The following MSN variants were observed in gnomAD, a reference collection of about 807,000 sequenced individuals.
The protein encoded by MSN is moesin.
MSN carries 2 observed loss-of-function variants against 48.0 expected under a neutral mutation model. The observed-to-expected ratio is 0.04, with a 90% CI of 0.02 to 0.13. The LOEUF (loss-of-function observed/expected upper bound fraction) is 0.13, where lower values mean the gene tolerates loss of function less well. MSN is among the 10% of genes least tolerant of loss of function. MSN has a pLI of 1.00. For synonymous variants in MSN, 146 were observed against 166.9 expected (o/e 0.87, Z 0.97); for missense variants, 267 against 470.1 (o/e 0.57, Z 3.99).
intron 1 of MSN, among the ~76,000 whole-genome samples, chrX:65,675,462 T>C (rs1324571980): frequency 1.8e-5 from 2 of 110,448 alleles, no homozygotes; most frequent in African/African-American, 6.6e-5. Context: ...TCTTGAAAGT[T>C]ACTTTATCTG....
At position 65,625,672 on chromosome X, in the gene MSN, G is replaced by A. The variant is rs868137279; in HGVS notation, c.-22+37060G>A. On this transcript the variant is annotated intron_variant, in intron 1 of 3. Transcript: ENST00000609672. ...GTGTCTTTGAATATAAAGTGAGACT[G>A]TTGTAGACAGACAACATATAGTTGG... 3 of 111,650 alleles carry A rather than the reference G, an allele frequency of 2.7e-5. No individual in the cohort carries two copies. In the Middle Eastern group the frequency reaches 0.014, roughly 517 times the overall value. The allele number at this position is 111,650 out of a possible 1,213,427, so 9.2% of individuals were successfully genotyped here. A position where few individuals can be genotyped will look rare whatever the true frequency, so the allele number is the denominator to read the frequency against.
chrX:65,713,814 C>T (rs2071436241), intron 1 of MSN, among the ~76,000 whole-genome samples: 1 of 111,604 alleles, frequency 9.0e-6, no homozygotes, highest in Non-Finnish European at 1.9e-5. Flanking sequence ...TGTGTGTTCT[C>T]ATCATTTAAT....
intron 3 of MSN, 62 bp from the exon 4 acceptor site, chrX:65,729,376 A>G (rs1330909422): frequency 8.8e-7 from 1 of 1,139,202 alleles, no homozygotes; most frequent in African/African-American, 1.8e-5. Flanking sequence ...TCCCCACCCT[A>G]CAGCCACTCC....
At chrX:65,625,432 C>G (rs2070495925) in intron 1 of MSN, 1 of 111,983 alleles carries the variant, frequency 8.9e-6, no homozygotes, top group African/African-American at 3.2e-5. Flanking sequence ...TTTCTGTCAG[C>G]TTATTTCATA....
At chrX:65,684,570 C>T (rs1300987951) in intron 1 of MSN, among the ~76,000 whole-genome samples, 2 of 110,465 alleles carry the variant, frequency 1.8e-5, no homozygotes, top group Non-Finnish European at 3.8e-5. Flanking sequence ...TCCCGAGTAA[C>T]TGGGATTACA....
At chrX:65,602,869 T>G in intron 1 of MSN, among the ~76,000 whole-genome samples, 1 of 112,071 alleles carries the variant, frequency 8.9e-6, no homozygotes, top group Non-Finnish European at 1.9e-5. Context: ...AGCTCCTTTA[T>G]GCCATCTGAA....
intron 1 of MSN, among the ~76,000 whole-genome samples, chrX:65,652,841 A>C (rs1050809068): frequency 8.1e-5 from 9 of 111,457 alleles, no homozygotes; most frequent in African/African-American, 2.9e-4. Context: ...ATGATGTTAA[A>C]GGTGTAATAT....
At chrX:65,698,762 A>G (rs377629535) in intron 1 of MSN, among the ~76,000 whole-genome samples, 39 of 112,369 alleles carry the variant, frequency 3.5e-4, no homozygotes, top group East Asian at 1.4e-3. Flanking sequence ...GGCTTTCTTC[A>G]GAGTAGAGAT....
intron 1 of MSN, among the ~76,000 whole-genome samples, chrX:65,596,274 A>G (rs2070185898): frequency 9.0e-6 from 1 of 111,404 alleles, no homozygotes; most frequent in South Asian, 3.8e-4. Context: ...TTGGAATTAA[A>G]TAACAGAGGT....
At chrX:65,609,869 C>G (rs1252185012) in intron 1 of MSN, among the ~76,000 whole-genome samples, 1 of 109,390 alleles carries the variant, frequency 9.1e-6, no homozygotes, top group Non-Finnish European at 1.9e-5. Flanking sequence ...GGTGACAGAG[C>G]AAGACTCCAC....
At chrX:65,617,693 T>A (rs2070389559) in intron 1 of MSN, among the ~76,000 whole-genome samples, 1 of 95,848 alleles carries the variant, frequency 1.0e-5, no homozygotes, top group South Asian at 5.1e-4. Context: ...GGGTTTTTTG[T>A]GTCTCTATTT....
At chrX:65,704,828 G>A (rs1383419519) in intron 1 of MSN, among the ~76,000 whole-genome samples, 8 of 104,788 alleles carry the variant, frequency 7.6e-5, no homozygotes, top group Non-Finnish European at 1.4e-4. Context: ...GGAGTGCAGT[G>A]GCGCAATCTT....
rs186301870 is a variant in MSN at position 65,614,125 on chromosome X, G to A, written c.-22+25513G>A. Among the ~76,000 whole-genome samples the A allele has an allele frequency of 2.6e-3, 286 of 111,714 alleles. 3 individuals are homozygous for A. Among genetic ancestry groups the A allele is most frequent in the African/African-American group, 9.0e-3 (276 of 30,781 alleles). On this transcript the variant is annotated intron_variant, in intron 1 of 3. Transcript: ENST00000609672. ...TTTCCCAACACCATTTATTAAATAG[G>A]GAATCCTTTCCCCATTGCTTGTTTT...
chrX:65,721,414 T>G (rs1368032538), intron 2 of MSN, among the ~76,000 whole-genome samples: 1 of 112,424 alleles, frequency 8.9e-6, no homozygotes, highest in Non-Finnish European at 1.9e-5. Flanking sequence ...TACCAAGCAT[T>G]CTAATATTGG....
intron 1 of MSN, among the ~76,000 whole-genome samples, chrX:65,684,572 G>A (rs1006688311): frequency 1.8e-5 from 2 of 110,187 alleles, no homozygotes; most frequent in Admixed American, 1.9e-4. Context: ...CCGAGTAACT[G>A]GGATTACAGG....
chrX:65,677,513 T>A (rs1032670421), intron 1 of MSN, among the ~76,000 whole-genome samples: 1 of 112,062 alleles, frequency 8.9e-6, no homozygotes, highest in Admixed American at 9.5e-5. Context: ...ATCCCAGCAC[T>A]TTGAGAGGCT....
intron 1 of MSN, among the ~76,000 whole-genome samples, chrX:65,615,244 G>C (rs1451554097): frequency 9.2e-6 from 1 of 108,447 alleles, no homozygotes; most frequent in East Asian, 2.9e-4. Flanking sequence ...TGGGTCAAAT[G>C]GTATTTCCAG....
At position 65,660,466 on chromosome X, in the gene MSN, A is replaced by T. The variant is rs748108142; in HGVS notation, c.-21-56352A>T. On this transcript the variant is annotated intron_variant, in intron 1 of 3. Coordinates refer to the MSN transcript ENST00000609672. ...TTTGACTTCTTCCTTTCCTATTTGGATACCTTTTATTTCTTTATCTTGCCT... is the reference window on the plus strand; with the variant it reads ...TTTGACTTCTTCCTTTCCTATTTGGTTACCTTTTATTTCTTTATCTTGCCT... 2.4e-3 allele frequency among the ~76,000 whole-genome samples: 264 copies of T among 111,083 alleles called. 3 individuals carry two copies. Among genetic ancestry groups the T allele is most frequent in the African/African-American group, 8.4e-3 (258 of 30,547 alleles).
In MSN at chrX:65,706,787, T is replaced by A. The variant is rs146654389; in HGVS notation, c.13-10031T>A. Reference sequence around the variant, plus strand: ...TGTGTGTGATGAGGCCGACACATTGTTGGCATTCAGTAAGTGTTCATTTCC... The same window carrying A: ...TGTGTGTGATGAGGCCGACACATTGATGGCATTCAGTAAGTGTTCATTTCC... On this transcript the variant is annotated intron_variant, in intron 1 of 12. Coordinates refer to ENST00000360270, the MANE Select transcript of MSN (RefSeq NM_002444.3). 9.6e-4 allele frequency among the ~76,000 whole-genome samples: 107 copies of A among 112,022 alleles called. 1 individual carries two copies. Among genetic ancestry groups the A allele is most frequent in the East Asian group, 7.0e-3 (25 of 3,554 alleles).
Sources: gnomAD v4.1 joint callset for allele counts (sites outside exome capture counted in the v4.1 genomes callset) on GRCh38, gnomAD v4.1.1 for gene constraint, MANE v1.5 for transcripts, NCBI Gene and HGNC (gene_info 2026-07-23, HGNC 2026-07-21) for gene names.